Variants in SRGAP2 observed in about 807,000 individuals in gnomAD.
SRGAP2 encodes SLIT-ROBO Rho GTPase-activating protein 2.
In SRGAP2, 15 loss-of-function variants were observed where a neutral mutation model predicts 57.2. That is an observed-to-expected ratio of 0.26 (90% CI 0.18 to 0.40). The LOEUF (loss-of-function observed/expected upper bound fraction) is 0.40, where lower values mean the gene tolerates loss of function less well. Ranked by LOEUF, SRGAP2 falls within the 10% of genes least tolerant of loss-of-function variation. SRGAP2 has a pLI of 1.00. For synonymous variants in SRGAP2, 249 were observed against 248.0 expected (o/e 1.00, Z -0.04); for missense variants, 520 against 669.6 (o/e 0.78, Z 2.47).
At chr1:206,322,982 G>A (rs1673585301) in intron 3 of SRGAP2, among the ~76,000 whole-genome samples, 1 of 150,696 alleles carries the variant, frequency 6.6e-6, no homozygotes, top group Non-Finnish European at 1.5e-5. Flanking sequence ...ACTCTCTCAG[G>A]AACTAATCCA....
intron 2 of SRGAP2, among the ~76,000 whole-genome samples, chr1:206,216,231 T>TTA (rs1335569813): frequency 6.6e-6 from 1 of 151,796 alleles, no homozygotes; most frequent in Non-Finnish European, 1.5e-5. Flanking sequence ...ACTGCCCTCT[T>TTA]TAGAGTCACT....
intron 7 of SRGAP2, among the ~76,000 whole-genome samples, chr1:206,397,790 C>T (rs1175945803): frequency 7.4e-6 from 1 of 134,628 alleles, no homozygotes; most frequent in Non-Finnish European, 1.5e-5. Context: ...TCATGCATAG[C>T]TGGAGTGTTG....
At chr1:206,362,366 T>TTGAAC (rs1676980811) in intron 4 of SRGAP2, among the ~76,000 whole-genome samples, 4 of 151,158 alleles carry the variant, frequency 2.6e-5, no homozygotes, top group Admixed American at 2.6e-4. Flanking sequence ...GAGTCACACC[T>TTGAAC]TGTTCAGGTT....
At chr1:206,456,624 AAG>A (rs1351926116) in intron 21 of SRGAP2, among the ~76,000 whole-genome samples, 1 of 152,214 alleles carries the variant, frequency 6.6e-6, no homozygotes, top group Non-Finnish European at 1.5e-5. Context: ...AAGAAAAAAA[AAG>A]AGTATCTGTA....
chr1:206,430,063 A>G (rs1427543700), intron 13 of SRGAP2, 99 bp from the exon 14 acceptor site: 3 of 732,448 alleles, frequency 4.1e-6, no homozygotes, highest in Non-Finnish European at 7.7e-6. Flanking sequence ...CCGGCTGGTG[A>G]TCCGCTAAGA....
intron 4 of SRGAP2, among the ~76,000 whole-genome samples, chr1:206,355,753 G>C (rs1676381992): frequency 6.6e-6 from 1 of 152,164 alleles, no homozygotes; most frequent in South Asian, 2.1e-4. Flanking sequence ...GATCACCTGA[G>C]GTCAGGAGTT....
chr1:206,366,794 C>T (rs1395669251), intron 4 of SRGAP2, among the ~76,000 whole-genome samples: 3 of 148,860 alleles, frequency 2.0e-5, no homozygotes, highest in Non-Finnish European at 3.0e-5. Context: ...GTTGCCTGAA[C>T]TCTGTAGGGC....
chr1:206,214,956 A>G (rs1474167023), intron 2 of SRGAP2: 1 of 151,998 alleles, frequency 6.6e-6, no homozygotes, highest in African/African-American at 2.4e-5. Flanking sequence ...CATTGATCTC[A>G]TACTGCCTTA....
intron 4 of SRGAP2, among the ~76,000 whole-genome samples, chr1:206,348,338 C>T (rs1176583210): frequency 1.3e-5 from 2 of 149,874 alleles, no homozygotes; most frequent in Admixed American, 6.6e-5. Flanking sequence ...ATTGCTGCCA[C>T]CTTCATTTGT....
chr1:206,443,541 A>AT (rs1162406042), intron 17 of SRGAP2, among the ~76,000 whole-genome samples: 5 of 151,836 alleles, frequency 3.3e-5, no homozygotes, highest in African/African-American at 7.3e-5. Context: ...CGCCAGACTA[A>AT]TTTTTTTGTA....
chr1:206,394,759 G>T (rs1289334062), intron 7 of SRGAP2, among the ~76,000 whole-genome samples: 1 of 151,844 alleles, frequency 6.6e-6, no homozygotes, highest in African/African-American at 2.4e-5. Context: ...GTTATTCTTG[G>T]CCTTGTTTTT....
chr1:206,386,849 G>A (rs3119000), intron 5 of SRGAP2, among the ~76,000 whole-genome samples: 1 of 146,098 alleles, frequency 6.8e-6, no homozygotes, highest in Non-Finnish European at 1.5e-5. Context: ...GAATAGCCGG[G>A]CACAGTGGCT....
At chr1:206,436,093 G>A (rs1164716008) in intron 14 of SRGAP2, among the ~76,000 whole-genome samples, 1 of 138,714 alleles carries the variant, frequency 7.2e-6, no homozygotes, top group Non-Finnish European at 1.6e-5. Context: ...GATTTTGGGG[G>A]GATTTTTTTT....
At chr1:206,452,239 T>C (rs1663382633) in intron 19 of SRGAP2, among the ~76,000 whole-genome samples, 4 of 152,184 alleles carry the variant, frequency 2.6e-5, no homozygotes, top group East Asian at 1.9e-4. Context: ...AAAATAAAGA[T>C]AGATTGCATT....
intron 3 of SRGAP2, among the ~76,000 whole-genome samples, chr1:206,327,887 A>G (rs1172930341): frequency 1.1e-5 from 1 of 91,900 alleles, no homozygotes; most frequent in Non-Finnish European, 1.9e-5. Context: ...TACATGTGCC[A>G]TGCTGGTGCG....
intron 7 of SRGAP2, among the ~76,000 whole-genome samples, chr1:206,395,715 G>C (rs1442921697): frequency 6.6e-6 from 1 of 151,032 alleles, no homozygotes; most frequent in African/African-American, 2.4e-5. Context: ...GGGGAAGGGA[G>C]GGGTTACTGC....
chr1:206,371,737 A>G (rs1553342684), intron 4 of SRGAP2, among the ~76,000 whole-genome samples: 1 of 39,782 alleles, frequency 2.5e-5, no homozygotes, highest in African/African-American at 3.1e-4. Flanking sequence ...TCTCCAAAAA[A>G]AAAAAGAAAA....
intron 17 of SRGAP2, among the ~76,000 whole-genome samples, chr1:206,443,181 A>G (rs1427768438): frequency 1.3e-5 from 2 of 152,246 alleles, no homozygotes; most frequent in Non-Finnish European, 2.9e-5. Context: ...TATGAAGCAC[A>G]AAAGATGAGT....
At chr1:206,290,604 T>C (rs1269144983) in intron 2 of SRGAP2, among the ~76,000 whole-genome samples, 1 of 132,970 alleles carries the variant, frequency 7.5e-6, no homozygotes, top group Non-Finnish European at 1.5e-5. Context: ...ATTGCTCTAT[T>C]GCACTCCAGC....
Sources: allele counts gnomAD v4.1 joint callset (sites outside exome capture counted in the v4.1 genomes callset), GRCh38; gene constraint gnomAD v4.1.1; transcripts MANE v1.5; gene names NCBI Gene and HGNC (gene_info 2026-07-23, HGNC 2026-07-21).